POLI: variants seen among roughly 807,000 people sequenced by gnomAD.
POLI encodes the protein RAD30 homolog B.
In POLI, 58 loss-of-function variants were observed where a neutral mutation model predicts 51.6. The ratio of observed to expected loss-of-function variants is 1.12; its 90% confidence interval spans 0.91 to 1.40. The LOEUF (loss-of-function observed/expected upper bound fraction) is 1.40. Ranked by LOEUF, POLI falls within the 40% of genes most tolerant of loss-of-function variation. The probability of loss-of-function intolerance (pLI) is 0.00; values close to 1 mark genes in which losing one functional copy is unlikely to be tolerated. For missense variants in POLI, 921 were observed against 871.3 expected (o/e 1.06, Z -0.72); for synonymous variants, 322 against 299.7 (o/e 1.07, Z -0.77).
At chr18:54,313,873 A>G (rs1324521191) in intron 3 of POLI, among the ~76,000 whole-genome samples, 1 of 152,126 alleles carries the variant, frequency 6.6e-6, no homozygotes, top group African/African-American at 2.4e-5. Flanking sequence ...GGGTTTCTAG[A>G]TATATAATCA....
At chr18:54,312,637 A>G (rs1257552103) in intron 3 of POLI, among the ~76,000 whole-genome samples, 3 of 152,094 alleles carry the variant, frequency 2.0e-5, no homozygotes, top group Non-Finnish European at 4.4e-5. Context: ...TGACTTTTTA[A>G]CAAAAGCCAT....
chr18:54,320,678 T>C (rs1002855386), intron 4 of POLI, among the ~76,000 whole-genome samples: 1 of 152,112 alleles, frequency 6.6e-6, no homozygotes, highest in African/African-American at 2.4e-5. Context: ...GTCAAACAAA[T>C]ATTAATAACG....
chr18:54,282,953 C>A lies in POLI; in HGVS notation c.913C>A (p.Arg305Ser), dbSNP rs376585554. 3.1e-6 allele frequency: 5 copies of A among 1,610,214 alleles called. No individual in the cohort carries two copies. The South Asian group carries it at 4.4e-5, about 14-fold the overall frequency. ...EKELGISVAQ[R>S]IQKLSFGEDN... ...AGAATTAGGAATTTCAGTTGCTCAG[C>A]GTATCCAAAAGCTCAGTTTTGGAGA... Residue 305 changes from arginine to serine, a missense_variant, in exon 6 of 10, where the codon CGT (arginine) becomes AGT (serine). Transcript: ENST00000579534.
At chr18:54,286,282 A>T (rs964860641) in intron 7 of POLI, among the ~76,000 whole-genome samples, 1 of 152,290 alleles carries the variant, frequency 6.6e-6, no homozygotes, top group Admixed American at 6.5e-5. Flanking sequence ...AAAAAGGGAA[A>T]TGTTATCCTT....
At chr18:54,302,926 T>C (rs1242064493), downstream of POLI, among the ~76,000 whole-genome samples, 1 of 152,214 alleles carries the variant, frequency 6.6e-6, no homozygotes, top group Non-Finnish European at 1.5e-5. Context: ...TCCAGTTCCA[T>C]CCATGTTGTT....
At chr18:54,271,135 T>A (rs1599149095) in intron 1 of POLI, 1 of 361,430 alleles carries the variant, frequency 2.8e-6, no homozygotes, top group East Asian at 4.5e-5. Flanking sequence ...CTTATTACTA[T>A]CCTGAGAAAA....
intron 3 of POLI, among the ~76,000 whole-genome samples, chr18:54,317,419 A>G (rs1296825127): frequency 6.6e-6 from 1 of 152,230 alleles, no homozygotes; most frequent in Non-Finnish European, 1.5e-5. Context: ...TATGCACAAT[A>G]AAGCAACTTC....
intron 3 of POLI, among the ~76,000 whole-genome samples, chr18:54,318,411 TCA>T (rs2088759606): frequency 6.6e-6 from 1 of 152,208 alleles, no homozygotes; most frequent in Admixed American, 6.6e-5. Flanking sequence ...AAGTTCGTTT[TCA>T]TTGACATTAG....
chr18:54,287,364 G>A lies in POLI; in HGVS notation c.1151G>A (p.Ser384Asn), dbSNP rs781282688. Residue 384 changes from serine (S) to asparagine (N), a missense_variant, in exon 8 of 10, where the codon AGT becomes AAT. By Grantham distance (46) the Ser-to-Asn change is conservative. Coordinates refer to ENST00000579534, the MANE Select transcript of POLI (RefSeq NM_007195.3). ...TCTGAGAAGCACTATGGTCGTGAGA[G>A]TCGTCAGTGCCCTATTCCTTCACAT... is the stretch of plus-strand genomic sequence containing the variant. Reference protein sequence around the residue: ...YSSEKHYGRESRQCPIPSHVI... With the variant: ...YSSEKHYGRENRQCPIPSHVI... 3.7e-6 allele frequency: 6 copies of A among 1,604,630 alleles called. No individual in the cohort carries two copies. In the Admixed American group the frequency reaches 5.1e-5, roughly 14 times the overall value.
At chr18:54,286,696 C>G (rs991807797) in intron 7 of POLI, among the ~76,000 whole-genome samples, 11 of 152,126 alleles carry the variant, frequency 7.2e-5, no homozygotes, top group African/African-American at 2.7e-4. Context: ...GTAATCCCAG[C>G]ATTTTGGGAG....
At chr18:54,316,105 G>C (rs1258316325) in intron 3 of POLI, among the ~76,000 whole-genome samples, 2 of 152,060 alleles carry the variant, frequency 1.3e-5, no homozygotes, top group African/African-American at 4.8e-5. Flanking sequence ...TGTAGAGACA[G>C]GATTGCACTG....
intron 3 of POLI, among the ~76,000 whole-genome samples, chr18:54,313,588 A>G (rs1436115586): frequency 1.3e-5 from 2 of 152,200 alleles, no homozygotes; most frequent in Non-Finnish European, 2.9e-5. Flanking sequence ...ATCAATGAGC[A>G]TGGAATGTGT....
chr18:54,274,896 A>C (rs1305151846), intron 3 of POLI: 1 of 152,196 alleles, frequency 6.6e-6, no homozygotes, highest in East Asian at 1.9e-4. Flanking sequence ...TTAGAAATTA[A>C]CAGGAAAAAT....
At chr18:54,307,669 A>C (rs1161555999) in intron 3 of POLI, among the ~76,000 whole-genome samples, 1 of 152,196 alleles carries the variant, frequency 6.6e-6, no homozygotes, top group African/African-American at 2.4e-5. Context: ...GATCTGTCTA[A>C]TATTGACAGT....
In POLI at chr18:54,296,507, A is replaced by G. The variant is rs1599258323; in HGVS notation, c.*2040A>G. ...GCGAATTTATTTTTATTCTTAGTAT[A>G]TACTGGCTTCTTCCTGTATCTTTTA... On this transcript the variant is annotated 3_prime_UTR_variant, in exon 10 of 10. Transcript: ENST00000579534. 6.9e-6 allele frequency: 2 copies of G among 291,520 alleles called. No individual in the cohort carries two copies. Among genetic ancestry groups the G allele is most frequent in the Non-Finnish European group, 1.0e-5 (2 of 195,634 alleles). 18.1% of individuals were successfully genotyped at this position (291,520 alleles called of 1,614,324 possible).
chr18:54,320,758 A>G (rs985827052), intron 4 of POLI, among the ~76,000 whole-genome samples: 2 of 152,128 alleles, frequency 1.3e-5, no homozygotes, highest in Non-Finnish European at 2.9e-5. Context: ...AATGCTATCG[A>G]TTATGATATA....
chr18:54,276,603 G>A (rs927599869), intron 3 of POLI, among the ~76,000 whole-genome samples: 4 of 152,112 alleles, frequency 2.6e-5, no homozygotes, highest in Non-Finnish European at 5.9e-5. Context: ...ATAAATTGCC[G>A]AAATTGATGA....
In POLI at chr18:54,273,933, A is replaced by C. The variant is rs754164062; in HGVS notation, c.249A>C (p.Gln83His). ...PELKDKPLGV[Q>H]QKYLVVTCNY... ...ATAAAATATTTTTTACAGGGGTTCA[A>C]CAGAAATATTTGGTGGTTACCTGCA... The change falls in exon 3 of 10, where the codon CAA becomes CAC. Residue 83 changes from glutamine (Q) to histidine (H), a missense_variant. Coordinates refer to ENST00000579534, the MANE Select transcript of POLI (RefSeq NM_007195.3). The C allele has an allele frequency of 1.3e-6, 2 of 1,527,596 alleles. No homozygotes were observed. The highest frequency in any genetic ancestry group is 1.8e-6 in the Non-Finnish European group (2 of 1,137,580). The allele number at this position is 1,527,596 out of a possible 1,614,324, so 94.6% of individuals were successfully genotyped here. A position where few individuals can be genotyped will look rare whatever the true frequency, so the allele number is the denominator to read the frequency against.
In POLI at chr18:54,297,616, C is replaced by T. The variant is rs888371435; in HGVS notation, c.*3149C>T. ...TTCTTTCCCACCTTTATCTCTCCTC[C>T]TATCTTTTGGGATCAGTTGGGTTTT... On this transcript the variant is annotated 3_prime_UTR_variant, in exon 10 of 10. Coordinates refer to ENST00000579534, the MANE Select transcript of POLI (RefSeq NM_007195.3). 1.0e-6 allele frequency: 1 copy of T among 974,082 alleles called. No homozygotes were observed. Among genetic ancestry groups the T allele is most frequent in the African/African-American group, 1.8e-5 (1 of 56,596 alleles). The allele number at this position is 974,082 out of a possible 1,614,324, so 60.3% of individuals were successfully genotyped here.
Sources: allele counts gnomAD v4.1 joint callset (sites outside exome capture counted in the v4.1 genomes callset), GRCh38; gene constraint gnomAD v4.1.1; transcripts MANE v1.5; gene names NCBI Gene and HGNC (gene_info 2026-07-23, HGNC 2026-07-21).